APBB2: variants seen among roughly 807,000 people sequenced by gnomAD.
APBB2 encodes the protein amyloid beta precursor protein binding family B member 2, also known as Fe65-like 1.
Under a neutral mutation model 82.5 loss-of-function variants are expected in APBB2, and 38 were observed. That is an observed-to-expected ratio of 0.46 (90% confidence interval 0.36 to 0.60). The LOEUF (loss-of-function observed/expected upper bound fraction) is 0.60. APBB2 is among the 20% of genes least tolerant of loss of function. APBB2 has a pLI of 0.00. For missense variants in APBB2, 772 were observed against 972.3 expected, an observed-to-expected ratio of 0.79 and a Z score of 2.74; for synonymous variants, 341 against 368.2, an observed-to-expected ratio of 0.93 and a Z score of 0.85.
chr4:40,982,389 A>AGGAAGGAAGGAAG (rs1560448998), intron 6 of APBB2, among the ~76,000 whole-genome samples: 4 of 16,594 alleles, frequency 2.4e-4, no homozygotes, highest in Admixed American at 9.1e-4. Context: ...GAAGGAAGGA[A>AGGAAGGAAGGAAG]GGAAAGGAAA....
intron 1 of APBB2, among the ~76,000 whole-genome samples, chr4:41,206,268 A>T (rs7663157): frequency 3.9e-5 from 6 of 151,902 alleles, no homozygotes; most frequent in African/African-American, 1.5e-4. Context: ...AGGAGTCACT[A>T]GCCACAGCTC....
chr4:40,952,558 A>G (rs1327179460), intron 6 of APBB2, among the ~76,000 whole-genome samples: 7 of 152,220 alleles, frequency 4.6e-5, no homozygotes, highest in Non-Finnish European at 8.8e-5. Context: ...TTTCTCTCAA[A>G]CATAAACCAA....
intron 10 of APBB2, among the ~76,000 whole-genome samples, chr4:40,901,503 T>G (rs967153885): frequency 1.3e-5 from 2 of 151,544 alleles, no homozygotes; most frequent in African/African-American, 4.9e-5. Context: ...GACTTCAGGG[T>G]TTTTTTTGTT....
chr4:41,083,686 C>CAAAAAAAA (rs3058169), intron 3 of APBB2, among the ~76,000 whole-genome samples: 1 of 68,050 alleles, frequency 1.5e-5, no homozygotes. Flanking sequence ...GACTCTGTCT[C>CAAAAAAAA]AAAAAAAAAA....
At chr4:41,205,169 G>A (rs1777622920) in intron 1 of APBB2, among the ~76,000 whole-genome samples, 1 of 152,204 alleles carries the variant, frequency 6.6e-6, no homozygotes, top group African/African-American at 2.4e-5. Flanking sequence ...TCTTTGCTTT[G>A]ATTTTTAAAT....
chr4:40,880,262 C>T, intron 12 of APBB2: 2 of 985,440 alleles, frequency 2.0e-6, no homozygotes, highest in African/African-American at 1.7e-5. Flanking sequence ...CACAATGAGA[C>T]TCCTTGAGTT....
intron 3 of APBB2, among the ~76,000 whole-genome samples, chr4:41,099,071 T>C (rs1174041877): frequency 6.6e-6 from 1 of 152,208 alleles, no homozygotes; most frequent in Non-Finnish European, 1.5e-5. Context: ...TACAAATATT[T>C]CACTGTAACA....
At chr4:41,109,716 C>T (rs772703892) in intron 2 of APBB2, among the ~76,000 whole-genome samples, 20 of 152,106 alleles carry the variant, frequency 1.3e-4, no homozygotes, top group Admixed American at 3.3e-4. Flanking sequence ...ATGATCTGCC[C>T]GCCTCGGCCT....
At chr4:41,182,958 TG>T (rs1771839181) in intron 1 of APBB2, among the ~76,000 whole-genome samples, 1 of 152,184 alleles carries the variant, frequency 6.6e-6, no homozygotes, top group Admixed American at 6.5e-5. Flanking sequence ...ACCATACCAA[TG>T]TCTAAGAAGC....
At chr4:40,829,089 C>CA (rs1750950962) in intron 13 of APBB2, among the ~76,000 whole-genome samples, 1 of 152,230 alleles carries the variant, frequency 6.6e-6, no homozygotes, top group East Asian at 1.9e-4. Flanking sequence ...AAGTCTGGGG[C>CA]ATGGAAAGGG....
chr4:41,049,087 C>G (rs1438096397), intron 4 of APBB2, among the ~76,000 whole-genome samples: 1 of 151,742 alleles, frequency 6.6e-6, no homozygotes, highest in Non-Finnish European at 1.5e-5. Context: ...GCCGCCACCC[C>G]GTCTGGGAAG....
At chr4:40,853,307 C>A (rs944952315) in intron 12 of APBB2, among the ~76,000 whole-genome samples, 12 of 152,170 alleles carry the variant, frequency 7.9e-5, no homozygotes, top group Non-Finnish European at 1.6e-4. Flanking sequence ...CCCTGGTTAA[C>A]CCTCTTCACG....
intron 10 of APBB2, among the ~76,000 whole-genome samples, chr4:40,932,109 A>G (rs1040324546): frequency 6.6e-6 from 1 of 152,192 alleles, no homozygotes; most frequent in Non-Finnish European, 1.5e-5. Flanking sequence ...TCCTATTCCT[A>G]TTACAATTCC....
rs1412153154 is a variant in APBB2, at chr4:41,086,919, TCCACAC to T, written c.-149+13714_-149+13719del. 5.0e-4 allele frequency among the ~76,000 whole-genome samples: 6 copies of T among 12,090 alleles called. No homozygotes were observed. In the Admixed American group the frequency reaches 7.9e-3, roughly 16 times the overall value. The allele number at this position is 12,090 out of a possible 152,430, so 7.9% of individuals were successfully genotyped here. On this transcript the variant is annotated intron_variant, in intron 3 of 17. Transcript: ENST00000508593. ...CTCATGGGTAGAAAACCTTAAAAATTCCACACACACACACACACACACACACACACA... is the reference window on the plus strand; with the variant it reads ...CTCATGGGTAGAAAACCTTAAAAATTACACACACACACACACACACACACA...
intron 12 of APBB2, among the ~76,000 whole-genome samples, chr4:40,861,185 T>C (rs1018324820): frequency 6.6e-6 from 1 of 152,012 alleles, no homozygotes; most frequent in African/African-American, 2.4e-5. Flanking sequence ...ACCCTGTCTC[T>C]ACTAAAAATA....
At chr4:40,852,351 CAAAAAAA>C (rs771660810) in intron 12 of APBB2, among the ~76,000 whole-genome samples, 92 of 94,004 alleles carry the variant, frequency 9.8e-4, no homozygotes, top group African/African-American at 2.2e-3. Context: ...ACTCTGTCTT[CAAAAAAA>C]AAAAAAAAAA....
intron 4 of APBB2, among the ~76,000 whole-genome samples, chr4:41,054,186 C>T (rs1480603553): frequency 6.6e-6 from 1 of 152,156 alleles, no homozygotes; most frequent in Non-Finnish European, 1.5e-5. Flanking sequence ...GGCATCTTAT[C>T]AGCATTCAAG....
intron 2 of APBB2, among the ~76,000 whole-genome samples, chr4:41,115,164 C>T (rs565699935): frequency 1.1e-4 from 16 of 152,212 alleles, no homozygotes; most frequent in African/African-American, 2.9e-4. Flanking sequence ...TCAGAAATAA[C>T]GCCACACAGC....
intron 1 of APBB2, among the ~76,000 whole-genome samples, chr4:41,188,216 G>A (rs1477388259): frequency 1.3e-5 from 2 of 152,200 alleles, no homozygotes; most frequent in African/African-American, 4.8e-5. Flanking sequence ...AGAAAAAAAT[G>A]AAGACATCTG....
Sources: allele counts gnomAD v4.1 joint callset (sites outside exome capture counted in the v4.1 genomes callset), GRCh38; gene constraint gnomAD v4.1.1; transcripts MANE v1.5; gene names NCBI Gene and HGNC (gene_info 2026-07-23, HGNC 2026-07-21).